USP30: variants seen among roughly 807,000 people sequenced by gnomAD.
The protein encoded by USP30 is ubiquitin carboxyl-terminal hydrolase 30.
In USP30, 41 loss-of-function variants were observed where a neutral mutation model predicts 68.2. The ratio of observed to expected loss-of-function variants is 0.60; its 90% CI spans 0.47 to 0.78. The LOEUF is 0.78. Among genes scored for constraint, USP30 ranks in the 30% least tolerant of loss-of-function variants. The pLI, the probability that USP30 is intolerant of heterozygous loss-of-function variation, is 0.00. For missense variants in USP30, 522 were observed against 649.4 expected, an observed-to-expected ratio of 0.80 and a Z score of 2.13; for synonymous variants, 229 against 253.7, an observed-to-expected ratio of 0.90 and a Z score of 0.93.
chr12:109,061,335 G>C (rs982948469), intron 3 of USP30, among the ~76,000 whole-genome samples: 3 of 150,494 alleles, frequency 2.0e-5, no homozygotes, highest in Admixed American at 1.3e-4. Flanking sequence ...TTGGGCTGCT[G>C]TCCCAGGATG....
chr12:109,081,884 G>A, intron 8 of USP30, 49 bp from the exon 9 acceptor site: 1 of 1,561,050 alleles, frequency 6.4e-7, no homozygotes, highest in Non-Finnish European at 8.8e-7. Context: ...AACAGTTTCA[G>A]TATAGCTGTC....
intron 11 of USP30, among the ~76,000 whole-genome samples, chr12:109,083,313 A>G: frequency 6.6e-6 from 1 of 152,180 alleles, no homozygotes; most frequent in South Asian, 2.1e-4. Context: ...AAACGCTTAA[A>G]ATTGCAGCTT....
intron 3 of USP30, among the ~76,000 whole-genome samples, chr12:109,043,504 C>T (rs1410578866): frequency 6.6e-6 from 1 of 152,142 alleles, no homozygotes; most frequent in Non-Finnish European, 1.5e-5. Flanking sequence ...TCAAATAGTT[C>T]TGGGAAAACT....
intron 7 of USP30, among the ~76,000 whole-genome samples, chr12:109,077,902 C>T (rs1464224934): frequency 6.6e-6 from 1 of 151,900 alleles, no homozygotes. Context: ...TAATATTATA[C>T]TTCATGTAAA....
rs2041411675 is a variant in USP30 at position 109,070,690 on chromosome 12, G to C, written c.481-922G>C. 6.6e-6 allele frequency among the ~76,000 whole-genome samples: 1 copy of C among 152,200 alleles called. No homozygotes were observed. The highest frequency in any genetic ancestry group is 1.5e-5 in the Non-Finnish European group (1 of 68,022). On this transcript the variant is annotated intron_variant, in intron 4 of 12. Transcript: ENST00000257548. The surrounding 1 kb of genome is among the most constrained non-coding windows in gnomAD (Gnocchi z 4.0). Reference sequence around the variant, plus strand: ...TGTTGTGACCCCGTTACTCCCGGAAGAGTGAGGGGTGGCTTGGGTTTTTGG... The same window carrying C: ...TGTTGTGACCCCGTTACTCCCGGAACAGTGAGGGGTGGCTTGGGTTTTTGG...
intron 2 of USP30, among the ~76,000 whole-genome samples, chr12:109,026,101 G>T (rs2040443049): frequency 6.6e-6 from 1 of 151,834 alleles, no homozygotes; most frequent in Admixed American, 6.6e-5. Context: ...TTTGAAACAG[G>T]GTCTGGCTCT....
chr12:109,068,147 G>T (rs1302533929), intron 4 of USP30, among the ~76,000 whole-genome samples: 1 of 152,064 alleles, frequency 6.6e-6, no homozygotes, highest in Non-Finnish European at 1.5e-5. Flanking sequence ...TTTGGAACTT[G>T]GCCACCCTCC....
rs530456750 is a variant in USP30 at position 109,061,170 on chromosome 12, A to T, written c.376+3062A>T. On this transcript the variant is annotated intron_variant, in intron 3 of 12. Coordinates refer to ENST00000257548, the MANE Select transcript of USP30 (RefSeq NM_032663.5). ...ATATGATGTTACATTAGGATTAAAG[A>T]CAGGAGTATTCTTGGGGCAAATGGG... Among the ~76,000 whole-genome samples, 183 of 152,214 alleles carry T rather than the reference A, an allele frequency of 1.2e-3. 3 individuals are homozygous for T. The South Asian group carries it at 0.021, about 18-fold the overall frequency.
intron 3 of USP30, among the ~76,000 whole-genome samples, chr12:109,044,866 C>T (rs907372079): frequency 3.3e-5 from 5 of 152,076 alleles, no homozygotes; most frequent in African/African-American, 9.7e-5. Context: ...CCTGTTTACC[C>T]ATATACCATC....
At chr12:109,079,211 C>T (rs1593289929) in intron 7 of USP30, among the ~76,000 whole-genome samples, 1 of 151,656 alleles carries the variant, frequency 6.6e-6, no homozygotes, top group African/African-American at 2.4e-5. Flanking sequence ...TAATGTTGGC[C>T]CACAGGTCAC....
At chr12:109,025,342 T>C (rs999242669) in intron 2 of USP30, among the ~76,000 whole-genome samples, 1 of 151,900 alleles carries the variant, frequency 6.6e-6, no homozygotes, top group Non-Finnish European at 1.5e-5. Context: ...CTATGTAATA[T>C]ATTATATTAT....
intron 7 of USP30, among the ~76,000 whole-genome samples, chr12:109,076,853 T>A (rs1048040962): frequency 1.3e-5 from 2 of 149,770 alleles, no homozygotes; most frequent in Admixed American, 1.3e-4. Context: ...TGCCTCAGCC[T>A]CCCGAGTAGC....
intron 1 of USP30, among the ~76,000 whole-genome samples, chr12:109,055,633 G>A (rs2040847236): frequency 6.8e-6 from 1 of 148,132 alleles, no homozygotes; most frequent in Admixed American, 6.9e-5. Flanking sequence ...CTGACCTCAG[G>A]TGATCCGCCC....
intron 3 of USP30, among the ~76,000 whole-genome samples, chr12:109,061,895 A>G (rs917156151): frequency 6.6e-6 from 1 of 152,038 alleles, no homozygotes; most frequent in Non-Finnish European, 1.5e-5. Flanking sequence ...ATACATTTCT[A>G]TGCATCCATA....
In USP30 at chr12:109,052,626, G is replaced by GGCGGCA. The variant is rs1202884573; in HGVS notation, c.-48_-47insAGCGGC. On this transcript the variant is annotated 5_prime_UTR_variant, in exon 1 of 13. Transcript: ENST00000257548. ...GAACCGTCGTATCCCTCGGTCCGGC[G>GGCGGCA]GCGGCGGCGGCGGTAGCGGAGGAGA... The GGCGGCA allele has an allele frequency of 1.0e-5, 15 of 1,441,084 alleles. No individual in the cohort carries two copies. Among genetic ancestry groups the GGCGGCA allele is most frequent in the Non-Finnish European group, 1.4e-5 (15 of 1,102,046 alleles). 89.3% of individuals were successfully genotyped at this position (1,441,084 alleles called of 1,614,324 possible).
intron 3 of USP30, among the ~76,000 whole-genome samples, chr12:109,063,427 T>C (rs554172688): frequency 9.2e-5 from 14 of 152,350 alleles, no homozygotes; most frequent in African/African-American, 3.1e-4. Context: ...CTGTTGCATG[T>C]ATATGCAGCA....
At position 109,081,093 on chromosome 12, in the gene USP30, G is replaced by C. The variant is rs574472096; in HGVS notation, c.721-241G>C. ...TTTCCTTAAAAATCCCAAAATTATTGCTGGGTCAGATATTTAATCTTTCAG... is the reference window on the plus strand; with the variant it reads ...TTTCCTTAAAAATCCCAAAATTATTCCTGGGTCAGATATTTAATCTTTCAG... On this transcript the variant is annotated intron_variant, in intron 7 of 12. Transcript: ENST00000257548. 4.6e-5 allele frequency among the ~76,000 whole-genome samples: 7 copies of C among 152,248 alleles called. No individual in the cohort carries two copies. In the East Asian group the frequency reaches 1.4e-3, roughly 29 times the overall value.
At chr12:109,040,983 C>A (rs1473255845) in intron 3 of USP30, among the ~76,000 whole-genome samples, 1 of 152,182 alleles carries the variant, frequency 6.6e-6, no homozygotes, top group Non-Finnish European at 1.5e-5. Context: ...TCAGAAGAGG[C>A]AGTGGAGAAA....
At chr12:109,026,631 C>T (rs1450865834) in intron 2 of USP30, among the ~76,000 whole-genome samples, 1 of 151,370 alleles carries the variant, frequency 6.6e-6, no homozygotes, top group African/African-American at 2.4e-5. Context: ...CCATGCCCAC[C>T]TAATTTTTGT....
Sources: allele counts gnomAD v4.1 joint callset (sites outside exome capture counted in the v4.1 genomes callset), GRCh38; gene constraint gnomAD v4.1.1; non-coding constraint Gnocchi (gnomAD v3.1); transcripts MANE v1.5; gene names NCBI Gene and HGNC (gene_info 2026-07-23, HGNC 2026-07-21).